Variants in TCF7L2 observed in about 807,000 individuals in gnomAD.
TCF7L2 encodes transcription factor 7 like 2.
A neutral mutation model predicts 77.9 loss-of-function variants in TCF7L2; 23 were observed. The ratio of observed to expected loss-of-function variants is 0.30; its 90% CI spans 0.21 to 0.42. The LOEUF (loss-of-function observed/expected upper bound fraction) is 0.42, where lower values mean the gene tolerates loss of function less well. TCF7L2 is among the 10% of genes least tolerant of loss of function. The pLI, the probability that TCF7L2 is intolerant of heterozygous loss-of-function variation, is 1.00. For missense variants in TCF7L2, 654 were observed against 793.1 expected (o/e 0.82, Z 2.11); for synonymous variants, 413 against 340.2 (o/e 1.21, Z -2.36).
intron 5 of TCF7L2, chr10:113,089,337 C>T: frequency 5.8e-6 from 9 of 1,556,040 alleles, no homozygotes; most frequent in Non-Finnish European, 7.8e-6. Context: ...GCTGTGTGTG[C>T]CTTGGTGACG....
At chr10:113,048,313 T>C (rs10885409) in intron 5 of TCF7L2, among the ~76,000 whole-genome samples, 80,628 of 151,988 alleles carry the variant, frequency 0.53, 23,816 homozygotes, top group African/African-American at 0.78. Context: ...TTTCTTGTCT[T>C]GCTGATTAAC....
At chr10:112,982,168 C>T (rs1327472991) in intron 4 of TCF7L2, among the ~76,000 whole-genome samples, 2 of 152,144 alleles carry the variant, frequency 1.3e-5, no homozygotes, top group Non-Finnish European at 1.5e-5. Context: ...GTTTCCAGGT[C>T]AAAATTTCTC....
intron 5 of TCF7L2, among the ~76,000 whole-genome samples, chr10:113,088,220 C>T (rs2060028871): frequency 6.6e-6 from 1 of 151,910 alleles, no homozygotes; most frequent in African/African-American, 2.4e-5. Flanking sequence ...TTTTACAGCC[C>T]TAAATTCTCT....
chr10:113,144,113 TGTG>T, intron 7 of TCF7L2, 88 bp downstream of exon 7: 1 of 821,598 alleles, frequency 1.2e-6, no homozygotes, highest in African/African-American at 1.8e-5. Flanking sequence ...TGTGTGTGTG[TGTG>T]TGTGTGTGTG....
intron 5 of TCF7L2, among the ~76,000 whole-genome samples, chr10:113,107,282 G>A (rs1049640881): frequency 6.6e-6 from 1 of 152,114 alleles, no homozygotes; most frequent in Non-Finnish European, 1.5e-5. Flanking sequence ...TCTGAGGAGG[G>A]AGGTATGACT....
chr10:113,115,809 G>A (rs1338139501), intron 5 of TCF7L2, among the ~76,000 whole-genome samples: 1 of 152,024 alleles, frequency 6.6e-6, no homozygotes, highest in Non-Finnish European at 1.5e-5. Context: ...CACAACCTGT[G>A]GTCAGTTTTG....
intron 3 of TCF7L2, among the ~76,000 whole-genome samples, chr10:112,954,385 G>A (rs1408096901): frequency 6.6e-6 from 1 of 152,076 alleles, no homozygotes; most frequent in Admixed American, 6.6e-5. Context: ...GAATTAGAGA[G>A]TATCATTAAA....
intron 4 of TCF7L2, among the ~76,000 whole-genome samples, chr10:112,992,296 T>C (rs2042696273): frequency 6.6e-6 from 1 of 152,206 alleles, no homozygotes; most frequent in Non-Finnish European, 1.5e-5. Context: ...GCAGTGAATG[T>C]GCGTCGGTAG....
intron 4 of TCF7L2, among the ~76,000 whole-genome samples, chr10:112,986,494 A>G (rs2041570135): frequency 6.6e-6 from 1 of 152,184 alleles, no homozygotes; most frequent in Non-Finnish European, 1.5e-5. Context: ...GTTCTCTGGG[A>G]TCTGACTAAG....
intron 4 of TCF7L2, among the ~76,000 whole-genome samples, chr10:113,024,048 A>G (rs2133926694): frequency 6.6e-6 from 1 of 152,056 alleles, no homozygotes; most frequent in Non-Finnish European, 1.5e-5. Context: ...CTGTAATCCT[A>G]GCACTCTGGG....
At position 113,167,474 on chromosome 10, in the gene TCF7L2, T is replaced by C; in HGVS notation, c.*1502T>C. On this transcript the variant is annotated 3_prime_UTR_variant, in exon 14 of 14. Coordinates refer to ENST00000627217, the MANE Select transcript of TCF7L2 (RefSeq NM_001146274.2). ...CTGTCTCCGATTTTTCTCTGGTTTA[T>C]TAAAATGCTAACTATAACATTTTTT... 1 of 222,350 alleles carries C rather than the reference T, an allele frequency of 4.5e-6. No homozygotes were observed. Among genetic ancestry groups the C allele is most frequent in the Non-Finnish European group, 9.0e-6 (1 of 111,230 alleles). 13.8% of individuals were successfully genotyped at this position (222,350 alleles called of 1,614,324 possible).
intron 5 of TCF7L2, among the ~76,000 whole-genome samples, chr10:113,043,681 C>T (rs1201877233): frequency 6.6e-6 from 1 of 152,038 alleles, no homozygotes; most frequent in Non-Finnish European, 1.5e-5. Context: ...ACACCCCCAC[C>T]CCCCAGCCTC....
chr10:112,994,950 A>C (rs2043196259), intron 4 of TCF7L2, among the ~76,000 whole-genome samples: 1 of 152,088 alleles, frequency 6.6e-6, no homozygotes, highest in South Asian at 2.1e-4. Flanking sequence ...AAATACAAAA[A>C]TTAGCCAGGC....
Position 113,045,421 on chromosome 10 carries a change from G to A in TCF7L2, c.552+5295G>A, listed in dbSNP as rs115923111. 9.0e-3 allele frequency among the ~76,000 whole-genome samples: 1,371 copies of A among 152,318 alleles called. 22 individuals carry two copies. The highest frequency in any genetic ancestry group is 0.031 in the African/African-American group (1,290 of 41,562). The stretch of plus-strand genomic sequence containing the variant: ...CCTCTCAACCACTGCAGAGAAGCTG[G>A]GAAAGAGACAAATAAGTGGGTGCTT... On this transcript the variant is annotated intron_variant, in intron 5 of 13. Coordinates refer to ENST00000627217, the MANE Select transcript of TCF7L2 (RefSeq NM_001146274.2).
At position 113,151,276 on chromosome 10, in the gene TCF7L2, A is replaced by AAG. The variant is rs928727804; in HGVS notation, c.1001+164_1001+165dup. 6.6e-5 allele frequency among the ~76,000 whole-genome samples: 10 copies of AAG among 151,906 alleles called. No homozygotes were observed. Among genetic ancestry groups the AAG allele is most frequent in the African/African-American group, 1.9e-4 (8 of 41,346 alleles). On this transcript the variant is annotated intron_variant, in intron 9 of 13. Transcript: ENST00000627217. This position sits in a 1 kb window ranked among gnomAD's most constrained non-coding sequence, Gnocchi z 5.2. ...TGTGTGGGCTCTTCACTCCCTTACA[A>AAG]AGAGAGAGAGAGTGCACAGTGGCAG... is the stretch of plus-strand genomic sequence containing the variant.
At chr10:113,023,175 C>T (rs1033476476) in intron 4 of TCF7L2, among the ~76,000 whole-genome samples, 4 of 152,148 alleles carry the variant, frequency 2.6e-5, no homozygotes, top group African/African-American at 9.7e-5. Context: ...TAGTGTTTTT[C>T]CTCTCCACTT....
intron 4 of TCF7L2, 58 bp from the exon 5 acceptor site, chr10:113,039,967 T>G: frequency 1.3e-6 from 2 of 1,482,172 alleles, no homozygotes; most frequent in South Asian, 2.3e-5. Context: ...GGCTAGTTGT[T>G]CTGCATTTAC....
At chr10:113,011,117 A>T (rs1051619431) in intron 4 of TCF7L2, among the ~76,000 whole-genome samples, 5 of 152,246 alleles carry the variant, frequency 3.3e-5, no homozygotes, top group African/African-American at 1.2e-4. Context: ...TAGTTGGAGT[A>T]TCCTTAATGG....
chr10:112,954,569 A>C (rs2032996554), intron 3 of TCF7L2, among the ~76,000 whole-genome samples: 1 of 152,250 alleles, frequency 6.6e-6, no homozygotes, highest in Non-Finnish European at 1.5e-5. Flanking sequence ...TTCAGATACA[A>C]AACTGCATTA....
Sources: gnomAD v4.1 joint callset for allele counts (sites outside exome capture counted in the v4.1 genomes callset) on GRCh38, gnomAD v4.1.1 for gene constraint, Gnocchi (gnomAD v3.1) non-coding constraint, MANE v1.5 for transcripts, NCBI Gene and HGNC (gene_info 2026-07-23, HGNC 2026-07-21) for gene names.